The following PFAS variants were observed in gnomAD, a reference collection of about 807,000 sequenced individuals.
PFAS encodes phosphoribosylformylglycinamidine synthase.
A neutral mutation model predicts 140.6 loss-of-function variants in PFAS; 97 were observed. The observed-to-expected ratio is 0.69, with a 90% CI of 0.59 to 0.82. The LOEUF (loss-of-function observed/expected upper bound fraction) is 0.82. Ranked by LOEUF, PFAS falls within the 40% of genes least tolerant of loss-of-function variation. The pLI is 0.00. For synonymous variants in PFAS, 679 were observed against 718.8 expected, an observed-to-expected ratio of 0.94 and a Z score of 0.88; for missense variants, 1,656 against 1,780.2, an observed-to-expected ratio of 0.93 and a Z score of 1.26.
chr17:8,255,040 A>G lies in PFAS; in HGVS notation c.292A>G (p.Thr98Ala). Residue 98 changes from threonine to alanine, a missense_variant, in exon 4 of 28, where the codon ACC becomes GCC. Physicochemically the swap from Thr to Ala is moderately conservative, Grantham distance 58 (BLOSUM62 0). Transcript: ENST00000314666. ...LEVGPRLNFS[T>A]PTSTNIVSVC... ...CCCATTGTTCAGGCTGAACTTCTCC[A>G]CCCCAACATCCACCAACATCGTGTC... is the stretch of plus-strand genomic sequence containing the variant. The G allele has an allele frequency of 6.2e-7, 1 of 1,613,316 alleles. No homozygotes were observed. Among genetic ancestry groups the G allele is most frequent in the Admixed American group, 1.7e-5 (1 of 59,952 alleles).
At chr17:8,258,577 G>A (rs910993197) in intron 11 of PFAS, among the ~76,000 whole-genome samples, 5 of 152,010 alleles carry the variant, frequency 3.3e-5, no homozygotes, top group African/African-American at 1.2e-4. Context: ...AGGGTGGCTC[G>A]CACCTGTAAT....
chr17:8,248,903 C>T (rs1404379079), upstream of PFAS, among the ~76,000 whole-genome samples: 2 of 152,194 alleles, frequency 1.3e-5, no homozygotes, highest in Non-Finnish European at 2.9e-5. Context: ...TCCCGCAGGC[C>T]TTCAGATGGA....
chr17:8,266,588 C>T lies in PFAS; in HGVS notation c.2822-165C>T. Reference sequence around the variant, plus strand: ...CATCCCTGAGATGTCCATGATGAAACATCCTCAGTCCTGCCGTCCTAGCCC... The same window carrying T: ...CATCCCTGAGATGTCCATGATGAAATATCCTCAGTCCTGCCGTCCTAGCCC... On this transcript the variant is annotated intron_variant, in intron 22 of 27. Transcript: ENST00000314666. The surrounding 1 kb of genome is among the most constrained non-coding windows in gnomAD (Gnocchi z 5.0). The T allele has an allele frequency of 2.7e-6, 4 of 1,464,452 alleles. No individual in the cohort carries two copies. In the East Asian group the frequency reaches 9.6e-5, roughly 35 times the overall value. The allele number at this position is 1,464,452 out of a possible 1,614,324, so 90.7% of individuals were successfully genotyped here.
chr17:8,264,905 C>G lies in PFAS; in HGVS notation c.2060C>G (p.Ser687Cys), dbSNP rs765947776. The part of the protein sequence containing the change: ...KRYLTNKVDR[S>C]VGGLVAQQQC... Reference sequence around the variant, plus strand: ...CACCTGGTTCCACAGGTGGACCGCTCTGTGGGAGGCCTGGTGGCCCAGCAG... The same window carrying G: ...CACCTGGTTCCACAGGTGGACCGCTGTGTGGGAGGCCTGGTGGCCCAGCAG... The change falls in exon 18 of 28, where the codon TCT (serine) becomes TGT (cysteine). Residue 687 changes from serine (S) to cysteine (C), a missense_variant. Physicochemically the swap from Ser to Cys is moderately radical, Grantham distance 112 (BLOSUM62 -1). Coordinates refer to ENST00000314666, the MANE Select transcript of PFAS (RefSeq NM_012393.3). 1.1e-5 allele frequency: 18 copies of G among 1,585,110 alleles called. No individual in the cohort carries two copies. In the Admixed American group the frequency reaches 3.2e-4, roughly 28 times the overall value.
intron 1 of PFAS, among the ~76,000 whole-genome samples, chr17:8,252,121 C>G (rs1159135322): frequency 6.6e-6 from 1 of 151,416 alleles, no homozygotes; most frequent in Non-Finnish European, 1.5e-5. Flanking sequence ...TAGGGAAACC[C>G]CGTCTCTACT....
intron 3 of PFAS, 110 bp downstream of exon 3, chr17:8,254,411 C>T: frequency 1.6e-6 from 2 of 1,258,548 alleles, no homozygotes; most frequent in Non-Finnish European, 2.3e-6. Flanking sequence ...GCCTAGGAAA[C>T]CACACATGTG....
chr17:8,264,770 T>A, intron 17 of PFAS, 125 bp from the exon 18 acceptor site: 1 of 985,020 alleles, frequency 1.0e-6, no homozygotes, highest in East Asian at 2.5e-5. Context: ...ACCTTCTAAG[T>A]AGAGCTGTTG....
intron 11 of PFAS, among the ~76,000 whole-genome samples, chr17:8,259,801 A>T (rs1989518874): frequency 6.6e-6 from 1 of 150,576 alleles, no homozygotes; most frequent in South Asian, 2.1e-4. Context: ...AAAAGAATAA[A>T]AATAAAAAAT....
Position 8,266,971 on chromosome 17 carries a change from A to G in PFAS, c.2968-57A>G. ...GGTGGCCGCGGTCCATCCCTCTCCC[A>G]CTGTGGAGGGGGCCATCCTTTCTCC... On this transcript the variant is annotated intron_variant, in intron 23 of 27. Transcript: ENST00000314666. This position sits in a 1 kb window ranked among gnomAD's most constrained non-coding sequence, Gnocchi z 5.0. The G allele has an allele frequency of 6.2e-7, 1 of 1,603,312 alleles. No individual in the cohort carries two copies. The highest frequency in any genetic ancestry group is 2.2e-5 in the East Asian group (1 of 44,746).
chr17:8,258,011 T>C, intron 10 of PFAS, 60 bp from the exon 11 acceptor site: 1 of 1,612,562 alleles, frequency 6.2e-7, no homozygotes, highest in Non-Finnish European at 8.5e-7. Context: ...CCAGGGGCTG[T>C]GCTATTGGGC....
Position 8,265,984 on chromosome 17 carries a change from C to G in PFAS, c.2668C>G (p.Arg890Gly), listed in dbSNP as rs201245445. 6.2e-7 allele frequency: 1 copy of G among 1,612,244 alleles called. No individual in the cohort carries two copies. The change falls in exon 21 of 28, where the codon CGG (arginine) becomes GGG (glycine). Residue 890 changes from arginine (R) to glycine (G), a missense_variant. Physicochemically the swap from Arg to Gly is moderately radical, Grantham distance 125 (BLOSUM62 -2). This residue lies in a region of PFAS where 883 missense variants were observed against 1,023.0 expected (regional missense o/e 0.86). Coordinates refer to ENST00000314666, the MANE Select transcript of PFAS (RefSeq NM_012393.3). ...PDLDLPENLV[R>G]AFSITQGLLK... is the part of the protein sequence containing the mutation. ...CCTGGACCTTCCTGAGAACTTGGTG[C>G]GGGCCTTCAGCATCACTCAGGGGCT...
At chr17:8,253,143 G>A (rs927522220) in intron 1 of PFAS, among the ~76,000 whole-genome samples, 1 of 152,170 alleles carries the variant, frequency 6.6e-6, no homozygotes, top group Admixed American at 6.5e-5. Flanking sequence ...CCTGACACCT[G>A]AAGTGCAGGA....
chr17:8,258,855 C>T (rs772697710), intron 11 of PFAS, among the ~76,000 whole-genome samples: 2 of 151,826 alleles, frequency 1.3e-5, no homozygotes, highest in African/African-American at 4.8e-5. Context: ...GGTGTGGTGG[C>T]GGGCACCTGT....
At chr17:8,255,712 ATGT>A (rs756571934) in intron 5 of PFAS, 21 bp downstream of exon 5, 45 of 1,594,530 alleles carry the variant, frequency 2.8e-5, no homozygotes, top group South Asian at 1.9e-4. Context: ...GGGGAGGGAG[ATGT>A]AGGGTCCAGG....
chr17:8,266,072 G>T lies in PFAS; in HGVS notation c.2701+55G>T, dbSNP rs1394616935. 5.2e-6 allele frequency: 8 copies of T among 1,546,796 alleles called. No homozygotes were observed. Among genetic ancestry groups the T allele is most frequent in the Non-Finnish European group, 7.0e-6 (8 of 1,137,664 alleles). On this transcript the variant is annotated intron_variant, in intron 21 of 27. Coordinates refer to ENST00000314666, the MANE Select transcript of PFAS (RefSeq NM_012393.3). This position sits in a 1 kb window ranked among gnomAD's most constrained non-coding sequence, Gnocchi z 5.0. ...ACAGGGTGCCAGGCGTGCAGCAGGCGTTCACCATCTGAGCAGTGGGGCAAA... is the reference window on the plus strand; with the variant it reads ...ACAGGGTGCCAGGCGTGCAGCAGGCTTTCACCATCTGAGCAGTGGGGCAAA...
At position 8,256,911 on chromosome 17, in the gene PFAS, C is replaced by G; in HGVS notation, c.1023C>G (p.Ala341=). The G allele has an allele frequency of 1.2e-6, 2 of 1,614,148 alleles. No individual in the cohort carries two copies. Among genetic ancestry groups the G allele is most frequent in the Non-Finnish European group, 1.7e-6 (2 of 1,180,000 alleles). The change falls in exon 9 of 28, where the codon GCC becomes GCG. Residue 341 remains alanine, a synonymous_variant. Transcript: ENST00000314666. ...ATGTCCAGTGCACAGGCCGCGGGGC[C>G]CACGTGGTGGCTGGCACTGCCGGCT... ...IRDVQCTGRG[A]HVVAGTAGYC... is the part of the protein sequence containing the mutation.
chr17:8,261,357 C>G (rs1256581700), intron 11 of PFAS, among the ~76,000 whole-genome samples: 1 of 151,904 alleles, frequency 6.6e-6, no homozygotes, highest in Non-Finnish European at 1.5e-5. Flanking sequence ...CTGCCTCAGC[C>G]TCCCAAATAG....
Position 8,266,236 on chromosome 17 carries a change from C to A in PFAS, c.2704C>A (p.Arg902Ser), listed in dbSNP as rs377467670. The change falls in exon 22 of 28, where the codon CGC becomes AGC. Residue 902 changes from arginine to serine, a missense_variant and splice_region_variant. Arg to Ser is a moderately radical substitution (Grantham distance 110). Transcript: ENST00000314666. The surrounding 1 kb of genome is among the most constrained non-coding windows in gnomAD (Gnocchi z 5.0). ...GAGCTTTCTTCTCCTTCCTCCAGAC[C>A]GCCTCCTCTGCTCAGGCCACGATGT... ...FSITQGLLKDRLLCSGHDVSD... is the reference protein window; with the variant it reads ...FSITQGLLKDSLLCSGHDVSD... The A allele has an allele frequency of 1.2e-6, 2 of 1,613,872 alleles. No individual in the cohort carries two copies. The highest frequency in any genetic ancestry group is 1.3e-5 in the African/African-American group (1 of 75,002).
At position 8,266,537 on chromosome 17, in the gene PFAS, C is replaced by T. The variant is rs1989821579; in HGVS notation, c.2821+184C>T. ...GGAACTGGCTGACACCCACCATGTT[C>T]CTGACTGCACCCCTCTGAGACTTCC... On this transcript the variant is annotated intron_variant, in intron 22 of 27. Coordinates refer to ENST00000314666, the MANE Select transcript of PFAS (RefSeq NM_012393.3). The surrounding 1 kb of genome is among the most constrained non-coding windows in gnomAD (Gnocchi z 5.0). 1.4e-6 allele frequency: 2 copies of T among 1,450,998 alleles called. No homozygotes were observed. Among genetic ancestry groups the T allele is most frequent in the South Asian group, 1.5e-5 (1 of 68,848 alleles). The allele number at this position is 1,450,998 out of a possible 1,614,324, so 89.9% of individuals were successfully genotyped here.
Sources: gnomAD v4.1 joint callset for allele counts (sites outside exome capture counted in the v4.1 genomes callset) on GRCh38, gnomAD v4.1.1 for gene constraint, gnomAD v4.1.1 regional missense constraint, Gnocchi (gnomAD v3.1) non-coding constraint, MANE v1.5 for transcripts, NCBI Gene and HGNC (gene_info 2026-07-23, HGNC 2026-07-21) for gene names.